PIK3R1: variants seen among roughly 807,000 people sequenced by gnomAD.
PIK3R1 encodes phosphatidylinositol 3-kinase regulatory subunit alpha.
PIK3R1 carries 29 observed loss-of-function variants against 98.0 expected under a neutral mutation model. That is an observed-to-expected ratio of 0.30 (90% CI 0.22 to 0.40). The LOEUF is 0.40. PIK3R1 is among the 10% of genes least tolerant of loss of function. The pLI is 1.00. For synonymous variants in PIK3R1, 282 were observed against 311.8 expected (o/e 0.90, Z 1.01); for missense variants, 596 against 872.7 (o/e 0.68, Z 3.99).
chr5:68,272,909 T>A (rs1457648411), intron 2 of PIK3R1, among the ~76,000 whole-genome samples: 4 of 152,186 alleles, frequency 2.6e-5, no homozygotes, highest in Admixed American at 6.5e-5. Flanking sequence ...AACTGTTCAA[T>A]AAAATCTGTC....
chr5:68,248,907 GA>G (rs2112058407), intron 2 of PIK3R1, among the ~76,000 whole-genome samples: 1 of 152,294 alleles, frequency 6.6e-6, no homozygotes, highest in East Asian at 1.9e-4. Flanking sequence ...AATAAACCAA[GA>G]GATATTTTCT....
chr5:68,219,604 C>T (rs986399945), intron 1 of PIK3R1, among the ~76,000 whole-genome samples: 18 of 152,224 alleles, frequency 1.2e-4, no homozygotes, highest in African/African-American at 7.2e-5. Flanking sequence ...TCTGTAGAGC[C>T]GTCCTCTACC....
chr5:68,288,481 C>T, intron 7 of PIK3R1: 3 of 1,306,814 alleles, frequency 2.3e-6, no homozygotes, highest in Middle Eastern at 2.9e-4. Context: ...GTGGCCCGGA[C>T]GCACTGCCGG....
At chr5:68,279,499 T>A (rs1470377853) in intron 4 of PIK3R1, 103 bp from the exon 5 acceptor site, 3 of 742,468 alleles carry the variant, frequency 4.0e-6, no homozygotes, top group African/African-American at 1.8e-5. Flanking sequence ...TTCCTTATTT[T>A]TTTTTTTTTT....
intron 14 of PIK3R1, 64 bp downstream of exon 14, chr5:68,295,552 T>G: frequency 2.2e-6 from 3 of 1,377,728 alleles, no homozygotes; most frequent in Non-Finnish European, 3.1e-6. Context: ...ATGCATGACT[T>G]GCTTTGTTTT....
intron 1 of PIK3R1, chr5:68,217,359 T>C (rs1394889325): frequency 2.6e-5 from 4 of 152,190 alleles, no homozygotes; most frequent in African/African-American, 9.7e-5. Flanking sequence ...CAGGTTCATT[T>C]CTTAAGCAGG....
At chr5:68,250,266 G>A (rs1415657961) in intron 2 of PIK3R1, among the ~76,000 whole-genome samples, 1 of 152,184 alleles carries the variant, frequency 6.6e-6, no homozygotes, top group Non-Finnish European at 1.5e-5. Context: ...TGCCTGCCAC[G>A]GGACAGGGGG....
At chr5:68,237,532 G>A (rs1380962237) in intron 2 of PIK3R1, among the ~76,000 whole-genome samples, 1 of 151,166 alleles carries the variant, frequency 6.6e-6, no homozygotes, top group Non-Finnish European at 1.5e-5. Flanking sequence ...AAGGTAGTGA[G>A]TGCCAGCAGA....
intron 4 of PIK3R1, 58 bp from the exon 5 acceptor site, chr5:68,279,544 C>A: frequency 2.9e-6 from 4 of 1,383,758 alleles, no homozygotes; most frequent in African/African-American, 1.5e-5. Context: ...AGAAAATTAG[C>A]CCAACTGATG....
intron 2 of PIK3R1, among the ~76,000 whole-genome samples, chr5:68,251,032 A>G (rs1745286586): frequency 6.6e-6 from 1 of 152,188 alleles, no homozygotes; most frequent in African/African-American, 2.4e-5. Context: ...GTAATTCCCC[A>G]AGGGAGAAGG....
intron 2 of PIK3R1, among the ~76,000 whole-genome samples, chr5:68,256,411 T>C (rs1028320627): frequency 1.3e-5 from 2 of 152,062 alleles, no homozygotes; most frequent in Admixed American, 6.6e-5. Context: ...TTTGTATTTT[T>C]AGTAGAGACA....
At chr5:68,257,086 C>G (rs1415504945) in intron 2 of PIK3R1, among the ~76,000 whole-genome samples, 1 of 152,206 alleles carries the variant, frequency 6.6e-6, no homozygotes, top group African/African-American at 2.4e-5. Flanking sequence ...ACCACAGAAG[C>G]AAGAGCTGCC....
At chr5:68,291,383 C>A (rs1255717328) in intron 7 of PIK3R1, 1 of 152,072 alleles carries the variant, frequency 6.6e-6, no homozygotes, top group Non-Finnish European at 1.5e-5. Flanking sequence ...TTGGTAGATA[C>A]CTGAAATCAT....
At position 68,294,598 on chromosome 5, in the gene PIK3R1, A is replaced by C; in HGVS notation, c.1488A>C (p.Glu496Asp). ...AFNETIKIFEEQCQTQERYSK... is the reference protein window; with the variant it reads ...AFNETIKIFEDQCQTQERYSK... The stretch of plus-strand genomic sequence containing the variant: ...ATGAAACCATAAAAATATTTGAAGA[A>C]CAGTGCCAGACCCAAGAGCGGTACA... Residue 496 changes from glutamate (E) to aspartate (D), a missense_variant, in exon 12 of 16, where the codon GAA becomes GAC. Around this residue, in one of 3 missense-constraint regions of PIK3R1, gnomAD observed 207 missense variants for 361.4 expected, o/e 0.57. Transcript: ENST00000521381. The C allele has an allele frequency of 6.2e-7, 1 of 1,612,272 alleles. No individual in the cohort carries two copies.
At chr5:68,235,247 A>G (rs1744618097) in intron 2 of PIK3R1, among the ~76,000 whole-genome samples, 2 of 152,012 alleles carry the variant, frequency 1.3e-5, no homozygotes, top group African/African-American at 4.8e-5. Flanking sequence ...TACTAAAAAT[A>G]CAAAAATTAG....
chr5:68,268,711 TG>T (rs1746220797), intron 2 of PIK3R1, among the ~76,000 whole-genome samples: 1 of 152,244 alleles, frequency 6.6e-6, no homozygotes. Context: ...GGAGTCCCAG[TG>T]TTTCAGCTTA....
At chr5:68,288,729 C>A (rs928192668) in intron 7 of PIK3R1, 1 of 1,613,826 alleles carries the variant, frequency 6.2e-7, no homozygotes, top group Non-Finnish European at 8.5e-7. Context: ...AAAGGGAAAC[C>A]GTTGAAATGC....
At chr5:68,295,517 A>T in intron 14 of PIK3R1, 29 bp downstream of exon 14, 1 of 1,590,260 alleles carries the variant, frequency 6.3e-7, no homozygotes, top group Non-Finnish European at 8.6e-7. Flanking sequence ...TGGTGATAGC[A>T]GAAGATTTTT....
At chr5:68,219,018 A>T (rs1744000375) in intron 1 of PIK3R1, among the ~76,000 whole-genome samples, 1 of 152,210 alleles carries the variant, frequency 6.6e-6, no homozygotes, top group Non-Finnish European at 1.5e-5. Flanking sequence ...CAATACTTGT[A>T]TGGAGTTACT....
Sources: allele counts gnomAD v4.1 joint callset (sites outside exome capture counted in the v4.1 genomes callset), GRCh38; gene constraint gnomAD v4.1.1; regional missense constraint gnomAD v4.1.1; transcripts MANE v1.5; gene names NCBI Gene and HGNC (gene_info 2026-07-23, HGNC 2026-07-21).